The following PPFIBP2 variants were observed in gnomAD, a reference collection of about 807,000 sequenced individuals.
PPFIBP2 encodes the protein liprin-beta-2.
Under a neutral mutation model 118.3 loss-of-function variants are expected in PPFIBP2, and 118 were observed. That is an observed-to-expected ratio of 1.00 (90% confidence interval 0.86 to 1.16). The LOEUF (loss-of-function observed/expected upper bound fraction) is 1.16. Among genes scored for constraint, PPFIBP2 ranks in the 50% most tolerant of loss-of-function variants. The probability of loss-of-function intolerance (pLI) is 0.00; values close to 1 mark genes in which losing one functional copy is unlikely to be tolerated. For synonymous variants in PPFIBP2, 414 were observed against 397.4 expected, an observed-to-expected ratio of 1.04 and a Z score of -0.50; for missense variants, 1,195 against 1,073.1, an observed-to-expected ratio of 1.11 and a Z score of -1.59.
At chr11:7,581,145 G>T (rs959623332) in intron 3 of PPFIBP2, among the ~76,000 whole-genome samples, 6 of 152,258 alleles carry the variant, frequency 3.9e-5, no homozygotes, top group Admixed American at 2.0e-4. Context: ...AACAGACAAA[G>T]CCTAGGGATA....
At chr11:7,605,673 C>A (rs2135429771) in intron 5 of PPFIBP2, 2 of 1,281,850 alleles carry the variant, frequency 1.6e-6, no homozygotes, top group East Asian at 3.2e-5. Context: ...ATAAGGAGAA[C>A]AATGTTGCTT....
At chr11:7,645,018 C>A (rs1317559996) in intron 17 of PPFIBP2, among the ~76,000 whole-genome samples, 1 of 84,712 alleles carries the variant, frequency 1.2e-5, no homozygotes, top group Non-Finnish European at 2.0e-5. Flanking sequence ...CAGAGCAAGA[C>A]TCCGTCTCAA....
chr11:7,630,268 A>G (rs1850580981), intron 10 of PPFIBP2, among the ~76,000 whole-genome samples: 1 of 152,156 alleles, frequency 6.6e-6, no homozygotes, highest in Admixed American at 6.5e-5. Context: ...GATGTGACTG[A>G]CTGGTCACTG....
chr11:7,588,295 T>A (rs1338399428), intron 3 of PPFIBP2, among the ~76,000 whole-genome samples: 5 of 152,200 alleles, frequency 3.3e-5, no homozygotes, highest in Non-Finnish European at 5.9e-5. Flanking sequence ...GGAATCTTGC[T>A]GGTCAGTCAG....
At position 7,565,611 on chromosome 11, in the gene PPFIBP2, G is replaced by T. The variant is rs541578051; in HGVS notation, c.123G>T (p.Pro41=). 2.3e-5 allele frequency: 37 copies of T among 1,614,134 alleles called. No individual in the cohort carries two copies. The South Asian group carries it at 3.5e-4, about 15-fold the overall frequency. Residue 41 remains proline (P), a synonymous_variant, in exon 3 of 24, where the codon CCG becomes CCT. Transcript: ENST00000299492. ...CTTGTGAGCCTGGACTGGCTTCCCC[G>T]GCCTCCTACATGAACCCCTTCCCGG... is the stretch of plus-strand genomic sequence containing the variant. ...DGTCEPGLAS[P]ASYMNPFPVL...
At chr11:7,617,113 C>T (rs750551215) in intron 6 of PPFIBP2, 8 of 985,136 alleles carry the variant, frequency 8.1e-6, no homozygotes, top group African/African-American at 1.7e-5. Context: ...TTCCTACAGT[C>T]GGTTCTGAAT....
intron 1 of PPFIBP2, among the ~76,000 whole-genome samples, chr11:7,535,684 G>A (rs184556002): frequency 6.6e-6 from 1 of 152,190 alleles, no homozygotes; most frequent in South Asian, 2.1e-4. Flanking sequence ...TTTTCGGGCC[G>A]GCTCCAATTT....
Position 7,650,911 on chromosome 11 carries a change from C to T in PPFIBP2, c.2193C>T (p.Asp731=), listed in dbSNP as rs770938471. 6.2e-6 allele frequency: 10 copies of T among 1,614,066 alleles called. No homozygotes were observed. The highest frequency in any genetic ancestry group is 1.1e-5 in the South Asian group (1 of 91,062). ...HRVMEWLRSV[D]LAEYAPNLRG... ...TGATGGAGTGGTTACGATCTGTGGACCTGGCAGAGTATGCACCCAATCTTC... is the reference window on the plus strand; with the variant it reads ...TGATGGAGTGGTTACGATCTGTGGATCTGGCAGAGTATGCACCCAATCTTC... The change falls in exon 22 of 24, where the codon GAC becomes GAT. Residue 731 remains aspartate (D), a synonymous_variant. Coordinates refer to ENST00000299492, the MANE Select transcript of PPFIBP2 (RefSeq NM_003621.5).
At chr11:7,587,008 T>C (rs1418781733) in intron 3 of PPFIBP2, among the ~76,000 whole-genome samples, 1 of 152,278 alleles carries the variant, frequency 6.6e-6, no homozygotes, top group African/African-American at 2.4e-5. Context: ...TGTTTATTTC[T>C]TGTTTTGTTT....
intron 2 of PPFIBP2, among the ~76,000 whole-genome samples, chr11:7,560,429 T>A (rs1349198162): frequency 6.6e-6 from 1 of 152,220 alleles, no homozygotes; most frequent in Non-Finnish European, 1.5e-5. Flanking sequence ...CATATACATA[T>A]AATTGTTTTA....
At position 7,529,216 on chromosome 11, in the gene PPFIBP2, G is replaced by A. The variant is rs73407391; in HGVS notation, c.-37+15095G>A. Among the ~76,000 whole-genome samples, 1,054 of 152,270 alleles carry A rather than the reference G, an allele frequency of 6.9e-3. 7 individuals carry two copies. Among genetic ancestry groups the A allele is most frequent in the African/African-American group, 0.024 (1,002 of 41,550 alleles). On this transcript the variant is annotated intron_variant, in intron 1 of 23. Coordinates refer to ENST00000299492, the MANE Select transcript of PPFIBP2 (RefSeq NM_003621.5). The stretch of plus-strand genomic sequence containing the variant: ...TTAATAAGGTACACTGTGAGAACCC[G>A]TTAAAGGCTCTTCCAGGGTCACAAA...
chr11:7,619,175 A>G (rs1590634967), intron 6 of PPFIBP2, among the ~76,000 whole-genome samples: 4 of 152,248 alleles, frequency 2.6e-5, no homozygotes, highest in Admixed American at 2.6e-4. Context: ...AGAGCTAGCT[A>G]TTAGCTGTCA....
chr11:7,653,071 G>T lies in PPFIBP2; in HGVS notation c.2484G>T (p.Lys828Asn). Residue 828 changes from lysine to asparagine, a missense_variant, in exon 24 of 24, where the codon AAG becomes AAT. Coordinates refer to ENST00000299492, the MANE Select transcript of PPFIBP2 (RefSeq NM_003621.5). ...FSHFGNIRKK[K>N]FDESTDYICP... ...ACTTCGGAAACATAAGAAAAAAGAAGTTCGATGAATCGACGGACTACATTT... is the reference window on the plus strand; with the variant it reads ...ACTTCGGAAACATAAGAAAAAAGAATTTCGATGAATCGACGGACTACATTT... 1 of 1,613,500 alleles carries T rather than the reference G, an allele frequency of 6.2e-7. No individual in the cohort carries two copies. Among genetic ancestry groups the T allele is most frequent in the South Asian group, 1.1e-5 (1 of 91,050 alleles).
chr11:7,602,408 G>A (rs1054461413), intron 5 of PPFIBP2, among the ~76,000 whole-genome samples: 5 of 152,100 alleles, frequency 3.3e-5, no homozygotes, highest in Non-Finnish European at 7.4e-5. Context: ...TGATATAATC[G>A]AGGCCTGTGG....
chr11:7,648,097 AGG>A (rs1335288838), intron 17 of PPFIBP2: 3 of 331,134 alleles, frequency 9.1e-6, no homozygotes, highest in Non-Finnish European at 1.1e-5. Flanking sequence ...ATGCGGACCT[AGG>A]ACATGTGAAC....
At chr11:7,598,610 A>T (rs1208181801) in intron 5 of PPFIBP2, 1 of 152,928 alleles carries the variant, frequency 6.5e-6, no homozygotes, top group East Asian at 1.9e-4. Context: ...TGTATGCCTT[A>T]TAACTCCTGG....
At chr11:7,517,646 G>A (rs1303475836) in intron 1 of PPFIBP2, among the ~76,000 whole-genome samples, 1 of 152,142 alleles carries the variant, frequency 6.6e-6, no homozygotes, top group Non-Finnish European at 1.5e-5. Context: ...GTGGCTCGGG[G>A]TTAGGAGACT....
intron 1 of PPFIBP2, among the ~76,000 whole-genome samples, chr11:7,549,040 AT>A (rs1852645847): frequency 6.6e-6 from 1 of 152,178 alleles, no homozygotes; most frequent in African/African-American, 2.4e-5. Flanking sequence ...CTTGTGCTGC[AT>A]TGCCTTGTAC....
rs1848638833 is a variant in PPFIBP2, at chr11:7,616,285, C to G, written c.619-4650C>G. Among the ~76,000 whole-genome samples the G allele has an allele frequency of 6.6e-6, 1 of 152,190 alleles. No individual in the cohort carries two copies. ...TTGCTATAAGTTAATTTTAAGGAAT[C>G]AGGAAAATCAAATGAGTTGCTAGAA... On this transcript the variant is annotated intron_variant, in intron 6 of 23. Coordinates refer to ENST00000299492, the MANE Select transcript of PPFIBP2 (RefSeq NM_003621.5). This position sits in a 1 kb window ranked among gnomAD's most constrained non-coding sequence, Gnocchi z 5.2.
Sources: gnomAD v4.1 joint callset for allele counts (sites outside exome capture counted in the v4.1 genomes callset) on GRCh38, gnomAD v4.1.1 for gene constraint, Gnocchi (gnomAD v3.1) non-coding constraint, MANE v1.5 for transcripts, NCBI Gene and HGNC (gene_info 2026-07-23, HGNC 2026-07-21) for gene names.